RIC1: variants seen among roughly 807,000 people sequenced by gnomAD.
The protein encoded by RIC1 is RIC1 partner of RAB6A GEF complex.
RIC1 carries 88 observed loss-of-function variants against 169.0 expected under a neutral mutation model. The ratio of observed to expected loss-of-function variants is 0.52; its 90% CI spans 0.44 to 0.62. RIC1 has a LOEUF of 0.62. Among genes scored for constraint, RIC1 ranks in the 20% least tolerant of loss-of-function variants. RIC1 has a pLI of 0.00. For missense variants in RIC1, 1,877 were observed against 1,725.5 expected (o/e 1.09, Z -1.56); for synonymous variants, 790 against 601.5 (o/e 1.31, Z -4.59).
At position 5,629,196 on chromosome 9, in the gene RIC1, TGCC is replaced by T. The variant is rs988760881; in HGVS notation, c.-97_-95del. The T allele has an allele frequency of 5.4e-4, 598 of 1,114,932 alleles. No homozygotes were observed. The highest frequency in any genetic ancestry group is 8.1e-4 in the South Asian group (29 of 35,750). The allele number at this position is 1,114,932 out of a possible 1,614,324, so 69.1% of individuals were successfully genotyped here. A position where few individuals can be genotyped will look rare whatever the true frequency, so the allele number is the denominator to read the frequency against. On this transcript the variant is annotated 5_prime_UTR_variant, in exon 1 of 26. Coordinates refer to ENST00000414202, the MANE Select transcript of RIC1 (RefSeq NM_020829.4). ...AGGCCAGCGGGCAGATGCCCCGAGC[TGCC>T]GCCGCCGCCGCCGCCGACTCGGCCG...
intron 1 of RIC1, among the ~76,000 whole-genome samples, chr9:5,637,687 C>T (rs1818038627): frequency 6.6e-6 from 1 of 152,120 alleles, no homozygotes; most frequent in South Asian, 2.1e-4. Flanking sequence ...TTTGTAGATC[C>T]CACAAATAAG....
chr9:5,717,272 G>A (rs1823303750), intron 4 of RIC1, among the ~76,000 whole-genome samples: 1 of 152,074 alleles, frequency 6.6e-6, no homozygotes, highest in South Asian at 2.1e-4. Context: ...TTGTCTAGCA[G>A]GTAGTCAGAT....
At chr9:5,689,273 G>C (rs1245641518) in intron 2 of RIC1, among the ~76,000 whole-genome samples, 27 of 151,990 alleles carry the variant, frequency 1.8e-4, no homozygotes, top group African/African-American at 5.1e-4. Context: ...GAATGGTCTT[G>C]ATCTCCTGAC....
chr9:5,644,581 C>T (rs570258156), intron 1 of RIC1, among the ~76,000 whole-genome samples: 1 of 152,148 alleles, frequency 6.6e-6, no homozygotes, highest in Non-Finnish European at 1.5e-5. Flanking sequence ...ACTCTATGTC[C>T]ATGTGGTAGT....
intron 3 of RIC1, among the ~76,000 whole-genome samples, chr9:5,707,758 C>T (rs959428822): frequency 6.6e-6 from 1 of 152,036 alleles, no homozygotes; most frequent in African/African-American, 2.4e-5. Flanking sequence ...CAACTTGTTT[C>T]CTTGGATCTA....
At chr9:5,635,332 C>T (rs1375805801) in intron 1 of RIC1, among the ~76,000 whole-genome samples, 4 of 152,130 alleles carry the variant, frequency 2.6e-5, no homozygotes, top group Non-Finnish European at 5.9e-5. Context: ...CCTTCCCCCT[C>T]CGTCTTTAAT....
chr9:5,681,118 G>A lies in RIC1; in HGVS notation c.253-8841G>A, dbSNP rs1468613998. ...TGGGATTACAGGCGTGAGCCACCGC[G>A]CCCGGCCGATTTTTTTTAAGGTTTT... On this transcript the variant is annotated intron_variant, in intron 2 of 25. Transcript: ENST00000414202. Among the ~76,000 whole-genome samples, 11 of 152,002 alleles carry A rather than the reference G, an allele frequency of 7.2e-5. No individual in the cohort carries two copies. The South Asian group carries it at 1.0e-3, about 14-fold the overall frequency.
chr9:5,726,678 G>T (rs868479864), intron 6 of RIC1, among the ~76,000 whole-genome samples: 1 of 152,168 alleles, frequency 6.6e-6, no homozygotes, highest in Non-Finnish European at 1.5e-5. Context: ...GCATGTTTTT[G>T]CAGTGGCTGG....
intron 3 of RIC1, among the ~76,000 whole-genome samples, chr9:5,709,517 G>C (rs1374644802): frequency 1.3e-5 from 2 of 152,136 alleles, no homozygotes; most frequent in African/African-American, 2.4e-5. Flanking sequence ...TGTCTCAAAA[G>C]ATTACAAATG....
At chr9:5,702,564 G>C (rs772241454) in intron 3 of RIC1, among the ~76,000 whole-genome samples, 9 of 151,986 alleles carry the variant, frequency 5.9e-5, no homozygotes, top group Admixed American at 2.6e-4. Flanking sequence ...GTTTGAGACA[G>C]AGTCTCACTC....
rs546951923 is a variant in RIC1 at position 5,765,171 on chromosome 9, A to G, written c.2842-243A>G. Reference sequence around the variant, plus strand: ...AGAGTCACTGGGAGAAATAAATGAAATGACTTAAAGTATATGTATGCTATC... The same window carrying G: ...AGAGTCACTGGGAGAAATAAATGAAGTGACTTAAAGTATATGTATGCTATC... On this transcript the variant is annotated intron_variant, in intron 19 of 25. Transcript: ENST00000414202. The G allele has an allele frequency of 5.1e-4, 189 of 369,088 alleles. 1 individual carries two copies. The highest frequency in any genetic ancestry group is 3.3e-3 in the African/African-American group (156 of 47,990). The allele number at this position is 369,088 out of a possible 1,614,324, so 22.9% of individuals were successfully genotyped here.
chr9:5,773,912 C>T, intron 25 of RIC1, 46 bp from the exon 26 acceptor site: 1 of 1,498,240 alleles, frequency 6.7e-7, no homozygotes, highest in Non-Finnish European at 9.0e-7. Context: ...TCTACCAAAC[C>T]TTTTGAATTA....
At chr9:5,658,198 A>T (rs1205926153) in intron 2 of RIC1, among the ~76,000 whole-genome samples, 1 of 152,122 alleles carries the variant, frequency 6.6e-6, no homozygotes, top group Non-Finnish European at 1.5e-5. Context: ...TTTAAAGCAC[A>T]CTGTAGTGTG....
At position 5,745,895 on chromosome 9, in the gene RIC1, G is replaced by A. The variant is rs368649105; in HGVS notation, c.1096-36G>A. 2.8e-5 allele frequency: 44 copies of A among 1,581,644 alleles called. No homozygotes were observed. In the African/African-American group the frequency reaches 5.0e-4, roughly 18 times the overall value. ...GAAAGGGATACAAAAGCCTTTTATT[G>A]CTCTGACTTTTTTTCTCCCTCCTCT... On this transcript the variant is annotated intron_variant, in intron 10 of 25. Coordinates refer to ENST00000414202, the MANE Select transcript of RIC1 (RefSeq NM_020829.4).
At chr9:5,716,858 G>T (rs372441599) in intron 4 of RIC1, among the ~76,000 whole-genome samples, 21 of 152,060 alleles carry the variant, frequency 1.4e-4, no homozygotes, top group Admixed American at 3.3e-4. Context: ...TTTTTTTAGA[G>T]GTGGTAGTCT....
chr9:5,765,871 T>A lies in RIC1; in HGVS notation c.3137+73T>A, dbSNP rs561159647. ...TTGCATTTCAAGACATTTACAAAAT[T>A]AGGTCTTAATGGAAACAACTATTTA... On this transcript the variant is annotated intron_variant, in intron 21 of 25. Transcript: ENST00000414202. 66 of 1,539,572 alleles carry A rather than the reference T, an allele frequency of 4.3e-5. No homozygotes were observed. In the African/African-American group the frequency reaches 8.4e-4, roughly 20 times the overall value.
intron 2 of RIC1, among the ~76,000 whole-genome samples, chr9:5,689,044 CT>C (rs34717277): frequency 1.3e-4 from 13 of 99,034 alleles, no homozygotes; most frequent in South Asian, 3.4e-4. Context: ...AATACAATTT[CT>C]TTTTTTTTTT....
At chr9:5,769,732 AATT>A (rs1230325116) in intron 22 of RIC1, 3 of 241,536 alleles carry the variant, frequency 1.2e-5, no homozygotes, top group Non-Finnish European at 2.4e-5. Context: ...AGACTGTTCT[AATT>A]ATTATTATTT....
chr9:5,638,257 G>A (rs558247345), intron 1 of RIC1, among the ~76,000 whole-genome samples: 1 of 152,120 alleles, frequency 6.6e-6, no homozygotes, highest in African/African-American at 2.4e-5. Flanking sequence ...CTTGTATTTT[G>A]TTGAGGGTTT....
Sources: gnomAD v4.1 joint callset for allele counts (sites outside exome capture counted in the v4.1 genomes callset) on GRCh38, gnomAD v4.1.1 for gene constraint, MANE v1.5 for transcripts, NCBI Gene and HGNC (gene_info 2026-07-23, HGNC 2026-07-21) for gene names.